Variants in SDCCAG8 observed in about 807,000 individuals in gnomAD.
SDCCAG8 encodes serologically defined colon cancer antigen 8.
SDCCAG8 carries 74 observed loss-of-function variants against 101.8 expected under a neutral mutation model. The ratio of observed to expected loss-of-function variants is 0.73; its 90% confidence interval spans 0.60 to 0.88. The LOEUF is 0.88. Ranked by LOEUF, SDCCAG8 falls within the 40% of genes least tolerant of loss-of-function variation. The probability of loss-of-function intolerance (pLI) is 0.00; values close to 1 mark genes in which losing one functional copy is unlikely to be tolerated. For missense variants in SDCCAG8, 787 were observed against 822.6 expected (o/e 0.96, Z 0.53); for synonymous variants, 281 against 292.9 (o/e 0.96, Z 0.41).
chr1:243,485,001 G>C (rs934275096), intron 16 of SDCCAG8, among the ~76,000 whole-genome samples: 5 of 151,124 alleles, frequency 3.3e-5, no homozygotes, highest in African/African-American at 1.2e-4. Flanking sequence ...CCAAGATTAT[G>C]CCACTGCACT....
chr1:243,475,290 C>T (rs1486155960), intron 16 of SDCCAG8, among the ~76,000 whole-genome samples: 2 of 152,148 alleles, frequency 1.3e-5, no homozygotes, highest in African/African-American at 4.8e-5. Flanking sequence ...ATGTCTGGGG[C>T]GGGGGTCTTT....
intron 16 of SDCCAG8, among the ~76,000 whole-genome samples, chr1:243,465,425 T>C (rs1367255575): frequency 1.3e-5 from 2 of 152,234 alleles, no homozygotes; most frequent in Non-Finnish European, 2.9e-5. Context: ...GCTTTTCGAA[T>C]TTTGGAAGAG....
At chr1:243,328,047 T>C (rs1226235489) in intron 9 of SDCCAG8, among the ~76,000 whole-genome samples, 1 of 145,816 alleles carries the variant, frequency 6.9e-6, no homozygotes, top group African/African-American at 2.5e-5. Context: ...GGACTACAGG[T>C]GCCCGCCGCC....
chr1:243,443,898 G>T (rs2082715054), intron 16 of SDCCAG8, among the ~76,000 whole-genome samples: 2 of 151,630 alleles, frequency 1.3e-5, no homozygotes, highest in Non-Finnish European at 2.9e-5. Context: ...TTCAATATTT[G>T]CCATTTGTGT....
intron 16 of SDCCAG8, among the ~76,000 whole-genome samples, chr1:243,449,650 C>T (rs1484935439): frequency 6.6e-6 from 1 of 152,184 alleles, no homozygotes; most frequent in Non-Finnish European, 1.5e-5. Flanking sequence ...TGGAAGTGCC[C>T]CAGTTTTTCC....
chr1:243,456,065 A>G (rs1018621490), intron 16 of SDCCAG8, among the ~76,000 whole-genome samples: 2 of 152,188 alleles, frequency 1.3e-5, no homozygotes, highest in East Asian at 3.9e-4. Flanking sequence ...CAGAGCATGG[A>G]CCCAGTCAGT....
At chr1:243,457,326 G>A (rs970885084) in intron 16 of SDCCAG8, among the ~76,000 whole-genome samples, 5 of 152,106 alleles carry the variant, frequency 3.3e-5, no homozygotes, top group African/African-American at 1.2e-4. Flanking sequence ...TCATGTAAAT[G>A]TCCGCATTGT....
intron 16 of SDCCAG8, among the ~76,000 whole-genome samples, chr1:243,481,638 G>A (rs563633162): frequency 2.0e-5 from 3 of 152,104 alleles, no homozygotes; most frequent in Non-Finnish European, 4.4e-5. Flanking sequence ...TGAGGAAGAC[G>A]CCGCTCCCAG....
rs548334098 is a variant in SDCCAG8, at chr1:243,262,902, C to T, written c.67+6662C>T. Among the ~76,000 whole-genome samples, 114 of 152,318 alleles carry T rather than the reference C, an allele frequency of 7.5e-4. 1 individual carries two copies. In the South Asian group the frequency reaches 0.017, roughly 23 times the overall value. On this transcript the variant is annotated intron_variant, in intron 1 of 17. Transcript: ENST00000366541. Reference sequence around the variant, plus strand: ...GCCCACTGGATACTTAAAGGGATGGCCTTAGGGCAAATATTGCTTTTAGGC... The same window carrying T: ...GCCCACTGGATACTTAAAGGGATGGTCTTAGGGCAAATATTGCTTTTAGGC...
At chr1:243,451,122 T>G (rs759652029) in intron 16 of SDCCAG8, among the ~76,000 whole-genome samples, 28 of 152,266 alleles carry the variant, frequency 1.8e-4, no homozygotes, top group Non-Finnish European at 4.0e-4. Flanking sequence ...TATAGATGGA[T>G]ATGTACTGCA....
At chr1:243,488,956 G>A in intron 16 of SDCCAG8, 58 bp from the exon 17 acceptor site, 1 of 1,612,112 alleles carries the variant, frequency 6.2e-7, no homozygotes, top group Non-Finnish European at 8.5e-7. Context: ...CACAGCCCCT[G>A]GGCCTGTTGA....
chr1:243,314,989 C>T (rs2073110305), intron 8 of SDCCAG8, among the ~76,000 whole-genome samples: 1 of 152,166 alleles, frequency 6.6e-6, no homozygotes, highest in Admixed American at 6.5e-5. Flanking sequence ...GAATTACAGG[C>T]GTGAGCCACT....
chr1:243,304,817 T>A, intron 7 of SDCCAG8, 40 bp downstream of exon 7: 1 of 1,121,442 alleles, frequency 8.9e-7, no homozygotes, highest in South Asian at 1.2e-5. Context: ...ACCAAAAGCA[T>A]AATGATCTTA....
intron 12 of SDCCAG8, among the ~76,000 whole-genome samples, chr1:243,359,461 A>T (rs1205259211): frequency 6.6e-6 from 1 of 152,176 alleles, no homozygotes; most frequent in Non-Finnish European, 1.5e-5. Flanking sequence ...TTAGAAAAAA[A>T]ATATATCATC....
chr1:243,275,856 G>GTTTTT (rs11344816), intron 4 of SDCCAG8, among the ~76,000 whole-genome samples: 5 of 59,110 alleles, frequency 8.5e-5, no homozygotes, highest in Admixed American at 1.9e-4. Context: ...TTGAACCAAT[G>GTTTTT]TTTTTTTTTT....
chr1:243,449,562 T>C (rs1256127619), intron 16 of SDCCAG8, among the ~76,000 whole-genome samples: 1 of 152,224 alleles, frequency 6.6e-6, no homozygotes, highest in Non-Finnish European at 1.5e-5. Context: ...AAACACATTA[T>C]CATTTCTTGT....
At chr1:243,448,104 G>C (rs759199729) in intron 16 of SDCCAG8, among the ~76,000 whole-genome samples, 1 of 152,200 alleles carries the variant, frequency 6.6e-6, no homozygotes, top group Non-Finnish European at 1.5e-5. Context: ...CATGGCTGTA[G>C]CTGCTGCAGG....
intron 13 of SDCCAG8, among the ~76,000 whole-genome samples, chr1:243,390,872 C>A (rs532184426): frequency 6.6e-6 from 1 of 152,182 alleles, no homozygotes; most frequent in Admixed American, 6.5e-5. Context: ...GTTCTGCTCT[C>A]CAATATTATT....
intron 17 of SDCCAG8, among the ~76,000 whole-genome samples, chr1:243,496,536 G>A (rs967842824): frequency 6.6e-6 from 1 of 152,176 alleles, no homozygotes; most frequent in African/African-American, 2.4e-5. Context: ...CCAGTGAGCA[G>A]AGCGGACAGC....
Sources: gnomAD v4.1 joint callset for allele counts (sites outside exome capture counted in the v4.1 genomes callset) on GRCh38, gnomAD v4.1.1 for gene constraint, MANE v1.5 for transcripts, NCBI Gene and HGNC (gene_info 2026-07-23, HGNC 2026-07-21) for gene names.